Variants in STK32C observed in about 807,000 individuals in gnomAD.
The protein encoded by STK32C is serine/threonine-protein kinase 32C.
STK32C carries 31 observed loss-of-function variants against 56.5 expected under a neutral mutation model. That is an observed-to-expected ratio of 0.55 (90% CI 0.41 to 0.74). The LOEUF (loss-of-function observed/expected upper bound fraction) is 0.74. STK32C is among the 30% of genes least tolerant of loss of function. STK32C has a pLI of 0.00. For synonymous variants in STK32C, 309 were observed against 289.4 expected, an observed-to-expected ratio of 1.07 and a Z score of -0.69; for missense variants, 544 against 676.9, an observed-to-expected ratio of 0.80 and a Z score of 2.18.
upstream of STK32C, among the ~76,000 whole-genome samples, chr10:132,310,050 G>A (rs752168076): frequency 7.2e-5 from 11 of 152,186 alleles, no homozygotes; most frequent in Admixed American, 4.6e-4. The surrounding 1 kb of genome is among the most constrained non-coding windows in gnomAD (Gnocchi z 4.6). Context: ...TCCCCGGCCC[G>A]GGCAGTTGGG....
intron 1 of STK32C, chr10:132,306,827 G>A (rs2066082445): frequency 6.6e-6 from 1 of 152,252 alleles, no homozygotes; most frequent in South Asian, 2.1e-4. Flanking sequence ...GGCAGACGCG[G>A]CACCACATCT....
chr10:132,259,128 C>T (rs1294850167), intron 1 of STK32C, among the ~76,000 whole-genome samples: 1 of 152,134 alleles, frequency 6.6e-6, no homozygotes, highest in African/African-American at 2.4e-5. Flanking sequence ...GGGGCATGAA[C>T]AGGGCCATAG....
At chr10:132,269,410 G>A (rs543706654) in intron 1 of STK32C, among the ~76,000 whole-genome samples, 6 of 152,272 alleles carry the variant, frequency 3.9e-5, no homozygotes, top group South Asian at 4.1e-4. Context: ...TCCACTGGCC[G>A]CACCGGATCT....
chr10:132,271,519 T>G (rs2064823170), intron 1 of STK32C, among the ~76,000 whole-genome samples: 1 of 152,140 alleles, frequency 6.6e-6, no homozygotes, highest in Non-Finnish European at 1.5e-5. Context: ...CAGAAAGATG[T>G]TGTCCCGTCC....
chr10:132,255,488 G>A lies in STK32C; in HGVS notation c.263-9533C>T, dbSNP rs1233625134. On this transcript the variant is annotated intron_variant, in intron 1 of 11. Transcript: ENST00000298630. This position sits in a 1 kb window ranked among gnomAD's most constrained non-coding sequence, Gnocchi z 4.6. ...GCTGACGGGCAGGGTTGACGCAGAT[G>A]GGGACAAGACAGGTGGGGGCTAGAG... Among the ~76,000 whole-genome samples the A allele has an allele frequency of 6.6e-6, 1 of 152,180 alleles. No individual in the cohort carries two copies. Among genetic ancestry groups the A allele is most frequent in the Non-Finnish European group, 1.5e-5 (1 of 68,038 alleles).
intron 1 of STK32C, among the ~76,000 whole-genome samples, chr10:132,293,738 G>C (rs1204137956): frequency 1.3e-5 from 2 of 152,180 alleles, no homozygotes; most frequent in African/African-American, 4.8e-5. Flanking sequence ...CTGAAGAACA[G>C]AGCCAGGAGC....
chr10:132,303,994 C>A (rs967579216), intron 1 of STK32C, among the ~76,000 whole-genome samples: 1 of 152,226 alleles, frequency 6.6e-6, no homozygotes, highest in Non-Finnish European at 1.5e-5. Flanking sequence ...CAGCATGGCC[C>A]ATAAACAATG....
chr10:132,331,617 G>C (rs1319735361), exon 1 of STK32C: 2 of 1,612,790 alleles, frequency 1.2e-6, no homozygotes, highest in Non-Finnish European at 1.7e-6. Flanking sequence ...CCAGCGGGAA[G>C]GACAGGCAGC....
intron 8 of STK32C, among the ~76,000 whole-genome samples, chr10:132,223,670 A>G (rs1044954812): frequency 2.0e-5 from 3 of 152,162 alleles, no homozygotes; most frequent in African/African-American, 7.2e-5. Flanking sequence ...GGCCTCCCCA[A>G]GGATTTAGGC....
intron 7 of STK32C, 41 bp from the exon 8 acceptor site, chr10:132,224,564 C>T (rs763274459): frequency 1.2e-5 from 17 of 1,423,246 alleles, no homozygotes; most frequent in Non-Finnish European, 1.7e-5. Context: ...CCTCCTGGCC[C>T]CCAGGACACC....
Position 132,307,088 on chromosome 10 carries a change from G to A in STK32C, c.262+484C>T, listed in dbSNP as rs1035716912. ...TGCCTCCAGCGCACATGGGTGAGCAGAGGATGGACACCGCGCGGTCACCAA... is the reference window on the plus strand; with the variant it reads ...TGCCTCCAGCGCACATGGGTGAGCAAAGGATGGACACCGCGCGGTCACCAA... On this transcript the variant is annotated intron_variant, in intron 1 of 11. Transcript: ENST00000298630. This position sits in a 1 kb window ranked among gnomAD's most constrained non-coding sequence, Gnocchi z 4.4. 1.3e-5 allele frequency: 2 copies of A among 152,778 alleles called. No individual in the cohort carries two copies. Among genetic ancestry groups the A allele is most frequent in the African/African-American group, 4.8e-5 (2 of 41,486 alleles). 9.5% of individuals were successfully genotyped at this position (152,778 alleles called of 1,614,324 possible). A position where few individuals can be genotyped will look rare whatever the true frequency, so the allele number is the denominator to read the frequency against.
In STK32C at chr10:132,287,628, T is replaced by C. The variant is rs182115924; in HGVS notation, c.262+19944A>G. On this transcript the variant is annotated intron_variant, in intron 1 of 11. Transcript: ENST00000298630. ...CACCATGTCCGGCTAATTTTTGTGA[T>C]TTTTAGTAGAGACGGGGTTTCACCA... Among the ~76,000 whole-genome samples, 8 of 151,892 alleles carry C rather than the reference T, an allele frequency of 5.3e-5. No homozygotes were observed. In the East Asian group the frequency reaches 1.6e-3, roughly 30 times the overall value.
At chr10:132,257,246 G>A (rs983916204) in intron 1 of STK32C, among the ~76,000 whole-genome samples, 1 of 152,118 alleles carries the variant, frequency 6.6e-6, no homozygotes, top group Admixed American at 6.5e-5. Context: ...GTGTGGGTGG[G>A]TCAAGGCTGG....
rs2065586394 is a variant in STK32C, at chr10:132,292,192, A to G, written c.262+15380T>C. ...GCCACCCTGGACATCCAGTGCCAAC[A>G]TAAGCACCTCCACGAGGAGTAGACA... On this transcript the variant is annotated intron_variant, in intron 1 of 11. Transcript: ENST00000298630. Among the ~76,000 whole-genome samples the G allele has an allele frequency of 3.3e-5, 5 of 152,200 alleles. No individual in the cohort carries two copies. In the South Asian group the frequency reaches 1.0e-3, roughly 31 times the overall value.
intron 10 of STK32C, among the ~76,000 whole-genome samples, chr10:132,221,840 GGTGA>G (rs1391195255): frequency 3.1e-5 from 4 of 127,722 alleles, no homozygotes; most frequent in Non-Finnish European, 4.9e-5. Flanking sequence ...AACGCACCTG[GGTGA>G]GTGTGAGGGC....
At chr10:132,257,992 C>CG (rs2064183593) in intron 1 of STK32C, among the ~76,000 whole-genome samples, 1 of 152,194 alleles carries the variant, frequency 6.6e-6, no homozygotes, top group South Asian at 2.1e-4. Flanking sequence ...CCACCTGCCC[C>CG]GGGAAATCGG....
intron 2 of STK32C, among the ~76,000 whole-genome samples, chr10:132,232,846 G>A (rs1590202584): frequency 6.6e-6 from 1 of 152,156 alleles, no homozygotes; most frequent in Admixed American, 6.5e-5. Context: ...AGGCCACAGC[G>A]CCACCCGGAA....
intron 1 of STK32C, among the ~76,000 whole-genome samples, chr10:132,274,437 C>T (rs965619670): frequency 6.6e-6 from 1 of 152,184 alleles, no homozygotes; most frequent in Non-Finnish European, 1.5e-5. Flanking sequence ...GAGAAATTTT[C>T]GTATGTGTTT....
At chr10:132,209,346 T>A in intron 10 of STK32C, 2 of 706,962 alleles carry the variant, frequency 2.8e-6, no homozygotes, top group South Asian at 3.0e-5. Flanking sequence ...GTGGATGGCT[T>A]GGACTTGCTC....
Sources: gnomAD v4.1 joint callset for allele counts (sites outside exome capture counted in the v4.1 genomes callset) on GRCh38, gnomAD v4.1.1 for gene constraint, Gnocchi (gnomAD v3.1) non-coding constraint, MANE v1.5 for transcripts, NCBI Gene and HGNC (gene_info 2026-07-23, HGNC 2026-07-21) for gene names.